The following DLGAP1 variants were observed in gnomAD, a reference collection of about 807,000 sequenced individuals.
The protein encoded by DLGAP1 is DLG associated protein 1, also known as disks large-associated protein 1.
In DLGAP1, 11 loss-of-function variants were observed where a neutral mutation model predicts 90.8. That is an observed-to-expected ratio of 0.12 (90% confidence interval 0.08 to 0.20). The LOEUF is 0.20. DLGAP1 is among the 10% of genes least tolerant of loss of function. The probability of loss-of-function intolerance (pLI) is 1.00; values close to 1 mark genes in which losing one functional copy is unlikely to be tolerated. For missense variants in DLGAP1, 1,050 were observed against 1,333.8 expected (o/e 0.79, Z 3.31); for synonymous variants, 558 against 540.7 (o/e 1.03, Z -0.44).
intron 7 of DLGAP1, chr18:3,597,648 C>T: frequency 4.5e-6 from 1 of 221,396 alleles, no homozygotes; most frequent in South Asian, 5.4e-5. Flanking sequence ...ATTGCTGCCA[C>T]TGCCCTAGGA....
chr18:4,052,676 G>C (rs1240539795), intron 2 of DLGAP1, among the ~76,000 whole-genome samples: 1 of 152,134 alleles, frequency 6.6e-6, no homozygotes, highest in Non-Finnish European at 1.5e-5. Flanking sequence ...TTCTGCAGCT[G>C]GCTTGAATTT....
At chr18:4,008,570 A>G (rs772805013) in intron 2 of DLGAP1, among the ~76,000 whole-genome samples, 4 of 152,164 alleles carry the variant, frequency 2.6e-5, no homozygotes, top group African/African-American at 7.2e-5. Context: ...AAGAAATCAC[A>G]TCTGTCTAAA....
intron 7 of DLGAP1, among the ~76,000 whole-genome samples, chr18:3,645,365 AAAAT>A (rs60252265): frequency 6.6e-6 from 1 of 151,746 alleles, no homozygotes; most frequent in Non-Finnish European, 1.5e-5. Context: ...ACAGAAAATG[AAAAT>A]AAATAAATAA....
chr18:3,562,398 C>T (rs1467006441), intron 9 of DLGAP1, among the ~76,000 whole-genome samples: 4 of 151,942 alleles, frequency 2.6e-5, no homozygotes, highest in Non-Finnish European at 5.9e-5. Context: ...AATTCCCACC[C>T]GTTGTGGGAG....
At chr18:4,142,350 T>G (rs994380694) in intron 2 of DLGAP1, among the ~76,000 whole-genome samples, 5 of 152,198 alleles carry the variant, frequency 3.3e-5, no homozygotes, top group African/African-American at 9.7e-5. Flanking sequence ...ATAACTCTTC[T>G]ATTGTGAAGG....
At chr18:3,802,339 C>T (rs1402614124) in intron 5 of DLGAP1, among the ~76,000 whole-genome samples, 3 of 152,204 alleles carry the variant, frequency 2.0e-5, no homozygotes, top group Non-Finnish European at 4.4e-5. Flanking sequence ...GCTCGGCTAT[C>T]AGTGGTTTCC....
chr18:4,133,995 TA>T (rs3215300), intron 2 of DLGAP1, among the ~76,000 whole-genome samples: 21 of 147,070 alleles, frequency 1.4e-4, no homozygotes, highest in Non-Finnish European at 1.4e-4. Flanking sequence ...ATAGTGGTCC[TA>T]AAAAAAAAAG....
intron 11 of DLGAP1, among the ~76,000 whole-genome samples, chr18:3,507,812 C>T (rs949191342): frequency 4.8e-5 from 7 of 146,856 alleles, no homozygotes; most frequent in African/African-American, 7.5e-5. Context: ...CCTCAGCTCG[C>T]TGCAACCTCC....
Position 3,498,972 on chromosome 18 carries a change from C to T in DLGAP1, c.*213G>A, listed in dbSNP as rs1462601638. The T allele has an allele frequency of 9.0e-6, 5 of 555,106 alleles. No individual in the cohort carries two copies. Among genetic ancestry groups the T allele is most frequent in the Non-Finnish European group, 1.6e-5 (5 of 319,148 alleles). 34.4% of individuals were successfully genotyped at this position (555,106 alleles called of 1,614,324 possible). On this transcript the variant is annotated 3_prime_UTR_variant, in exon 13 of 13. Transcript: ENST00000315677. ...CGGCATCAGGACAGGGGGCGAAGCT[C>T]GGTGAAGAAGGAGATGGGCAAACGG...
At chr18:4,047,097 T>G (rs1306041769) in intron 2 of DLGAP1, among the ~76,000 whole-genome samples, 1 of 152,144 alleles carries the variant, frequency 6.6e-6, no homozygotes, top group Non-Finnish European at 1.5e-5. Context: ...AAAATTAGAG[T>G]CAAATGTTGC....
chr18:4,290,140 T>C (rs2079810109), intron 1 of DLGAP1, among the ~76,000 whole-genome samples: 1 of 152,258 alleles, frequency 6.6e-6, no homozygotes, highest in South Asian at 2.1e-4. Context: ...AGAAATTTAC[T>C]GTCTCTGTGC....
chr18:3,540,153 C>T (rs1317960042), intron 9 of DLGAP1, among the ~76,000 whole-genome samples: 3 of 151,898 alleles, frequency 2.0e-5, no homozygotes, highest in Non-Finnish European at 4.4e-5. Context: ...AAGGCACGGG[C>T]GTGAGGAGAC....
intron 2 of DLGAP1, among the ~76,000 whole-genome samples, chr18:4,008,690 A>G (rs2074355203): frequency 6.6e-6 from 1 of 152,108 alleles, no homozygotes; most frequent in East Asian, 1.9e-4. Context: ...GTGACGGGGA[A>G]AAAAATAACA....
chr18:4,173,652 C>T (rs762586965), intron 1 of DLGAP1, among the ~76,000 whole-genome samples: 27 of 152,088 alleles, frequency 1.8e-4, no homozygotes, highest in Non-Finnish European at 3.2e-4. Context: ...CTAGCCCAGT[C>T]GTAGACTGCA....
chr18:3,639,905 C>G (rs7228444), intron 7 of DLGAP1, among the ~76,000 whole-genome samples: 32,801 of 143,788 alleles, frequency 0.23, 7,097 homozygotes, highest in African/African-American at 0.49. Flanking sequence ...CAGGCGCCCG[C>G]CACCACACCC....
chr18:4,089,482 C>T (rs1568389758), intron 2 of DLGAP1, among the ~76,000 whole-genome samples: 1 of 152,006 alleles, frequency 6.6e-6, no homozygotes, highest in Non-Finnish European at 1.5e-5. Flanking sequence ...AAAAAAGGGC[C>T]CATATAGCCA....
At chr18:3,798,748 G>C (rs187918842) in intron 5 of DLGAP1, among the ~76,000 whole-genome samples, 1 of 152,206 alleles carries the variant, frequency 6.6e-6, no homozygotes, top group East Asian at 1.9e-4. Context: ...TTCCAGGTGA[G>C]GTGCTTAACA....
intron 7 of DLGAP1, among the ~76,000 whole-genome samples, chr18:3,670,715 C>T (rs2060058065): frequency 6.6e-6 from 1 of 152,148 alleles, no homozygotes; most frequent in Non-Finnish European, 1.5e-5. Flanking sequence ...GTTCAGTGTG[C>T]TTAAATGTAA....
At chr18:3,971,100 T>G (rs2073439967) in intron 3 of DLGAP1, among the ~76,000 whole-genome samples, 1 of 152,230 alleles carries the variant, frequency 6.6e-6, no homozygotes, top group Non-Finnish European at 1.5e-5. Flanking sequence ...CAGCTCCCTC[T>G]GCCTGCCTTC....
Sources: gnomAD v4.1 joint callset for allele counts (sites outside exome capture counted in the v4.1 genomes callset) on GRCh38, gnomAD v4.1.1 for gene constraint, MANE v1.5 for transcripts, NCBI Gene and HGNC (gene_info 2026-07-23, HGNC 2026-07-21) for gene names.